The following PLAGL1 variants were observed in gnomAD, a reference collection of about 807,000 sequenced individuals.
PLAGL1 encodes the protein PLAG1 like zinc finger 1, also known as zinc finger protein PLAGL1.
In PLAGL1, 1 loss-of-function variant was observed where a neutral mutation model predicts 4.6. The observed-to-expected ratio is 0.22, with a 90% CI of 0.08 to 1.03. PLAGL1 has a LOEUF of 1.03. PLAGL1 is among the 50% of genes least tolerant of loss of function. The probability of loss-of-function intolerance (pLI) is 0.58; values close to 1 mark genes in which losing one functional copy is unlikely to be tolerated. For missense variants in PLAGL1, 464 were observed against 570.4 expected (o/e 0.81, Z 1.90); for synonymous variants, 240 against 237.8 (o/e 1.01, Z -0.08).
At chr6:143,943,984 C>A (rs1779204268) in intron 7 of PLAGL1, among the ~76,000 whole-genome samples, 1 of 152,148 alleles carries the variant, frequency 6.6e-6, no homozygotes, top group Non-Finnish European at 1.5e-5. Context: ...AACTAAAATG[C>A]AGAGCATTAC....
rs1798744077 is a variant in PLAGL1 at position 144,053,708 on chromosome 6, A to G, written c.-151+10760T>C. ...GGGGATGGCAAATACATGGAAAATG[A>G]TCAGCTGTCTTCCTCATCCTCTAGT... On this transcript the variant is annotated intron_variant, in intron 1 of 3. Transcript: ENST00000437412. This position sits in a 1 kb window ranked among gnomAD's most constrained non-coding sequence, Gnocchi z 4.0. 6.6e-6 allele frequency among the ~76,000 whole-genome samples: 1 copy of G among 152,232 alleles called. No homozygotes were observed.
In PLAGL1 at chr6:143,940,916, G is replaced by A. The variant is rs1440167672; in HGVS notation, c.*508C>T. ...ATATGTAAAACTACAGGTTGGCTAT[G>A]GTAATAGTAACTAAACTACATCCAA... On this transcript the variant is annotated 3_prime_UTR_variant, in exon 8 of 8. Transcript: ENST00000674357. 4 of 152,616 alleles carry A rather than the reference G, an allele frequency of 2.6e-5. No homozygotes were observed. Among genetic ancestry groups the A allele is most frequent in the Admixed American group, 2.6e-4 (4 of 15,280 alleles). The allele number at this position is 152,616 out of a possible 1,614,324, so 9.5% of individuals were successfully genotyped here.
In PLAGL1 at chr6:143,955,528, G is replaced by A. The variant is rs1273424465; in HGVS notation, c.-325+4941C>T. ...GAAGAGGTAGAAATAGGTAGAGAAT[G>A]CCAATAAAATGCTGTGAGGAATGGG... On this transcript the variant is annotated intron_variant, in intron 6 of 7. Coordinates refer to ENST00000674357, the MANE Select transcript of PLAGL1 (RefSeq NM_001317162.2). This position sits in a 1 kb window ranked among gnomAD's most constrained non-coding sequence, Gnocchi z 4.9. 6.6e-6 allele frequency among the ~76,000 whole-genome samples: 1 copy of A among 152,110 alleles called. No homozygotes were observed. Among genetic ancestry groups the A allele is most frequent in the Non-Finnish European group, 1.5e-5 (1 of 68,022 alleles).
Position 143,948,466 on chromosome 6 carries a change from GA to G in PLAGL1, c.-324-7del, listed in dbSNP as rs1209270063. Reference sequence around the variant, plus strand: ...TCCTGGGTCCCCCGGATTGGCTGTGGAGAGAAGAGGAACAGTTTTCTTGCAT... The same window carrying G: ...TCCTGGGTCCCCCGGATTGGCTGTGGGAGAAGAGGAACAGTTTTCTTGCAT... On this transcript the variant is annotated splice_region_variant and splice_polypyrimidine_tract_variant and intron_variant, in intron 6 of 7. Transcript: ENST00000674357. The surrounding 1 kb of genome is among the most constrained non-coding windows in gnomAD (Gnocchi z 6.0). 1 of 239,696 alleles carries G rather than the reference GA, an allele frequency of 4.2e-6. No homozygotes were observed. Among genetic ancestry groups the G allele is most frequent in the Non-Finnish European group, 8.3e-6 (1 of 120,516 alleles). The allele number at this position is 239,696 out of a possible 1,614,324, so 14.8% of individuals were successfully genotyped here.
At chr6:143,967,156 G>C (rs993327817) in intron 3 of PLAGL1, 2 of 152,114 alleles carry the variant, frequency 1.3e-5, no homozygotes, top group Non-Finnish European at 2.9e-5. Context: ...CTTTAGGTAA[G>C]TTGCATAACT....
intron 1 of PLAGL1, among the ~76,000 whole-genome samples, chr6:144,014,764 G>A (rs1369821908): frequency 6.6e-6 from 1 of 152,078 alleles, no homozygotes; most frequent in Non-Finnish European, 1.5e-5. Context: ...ATTTTTAGTA[G>A]AGACAGGGTT....
chr6:144,006,505 C>T lies in PLAGL1; in HGVS notation c.-584+1585G>A, dbSNP rs1241941832. 6.6e-6 allele frequency: 1 copy of T among 152,128 alleles called. No homozygotes were observed. The highest frequency in any genetic ancestry group is 1.5e-5 in the Non-Finnish European group (1 of 68,034). 9.4% of individuals were successfully genotyped at this position (152,128 alleles called of 1,614,324 possible). Reference sequence around the variant, plus strand: ...ACTTTTAATGCCTATACATGCATCCCTAAACAACAGCTTTGCTCCACCAGG... The same window carrying T: ...ACTTTTAATGCCTATACATGCATCCTTAAACAACAGCTTTGCTCCACCAGG... On this transcript the variant is annotated intron_variant, in intron 1 of 7. Coordinates refer to ENST00000674357, the MANE Select transcript of PLAGL1 (RefSeq NM_001317162.2). The surrounding 1 kb of genome is among the most constrained non-coding windows in gnomAD (Gnocchi z 4.3).
chr6:143,974,747 A>G (rs1467594723), intron 2 of PLAGL1, among the ~76,000 whole-genome samples: 1 of 152,230 alleles, frequency 6.6e-6, no homozygotes, highest in Admixed American at 6.5e-5. Context: ...TGAAATAACC[A>G]TTCCTCAAAA....
At chr6:144,014,960 T>C (rs1310405314) in intron 1 of PLAGL1, among the ~76,000 whole-genome samples, 2 of 152,174 alleles carry the variant, frequency 1.3e-5, no homozygotes, top group Admixed American at 6.5e-5. Flanking sequence ...GTTATCTATA[T>C]AGAGAAAAAA....
upstream of PLAGL1, among the ~76,000 whole-genome samples, chr6:144,012,479 C>T (rs563512241): frequency 2.6e-4 from 39 of 152,190 alleles, no homozygotes; most frequent in South Asian, 1.9e-3. This position sits in a 1 kb window ranked among gnomAD's most constrained non-coding sequence, Gnocchi z 4.8. Context: ...TCAGGTGATC[C>T]GCCTGTCTCA....
At chr6:144,035,836 T>C (rs959757201) in intron 1 of PLAGL1, among the ~76,000 whole-genome samples, 1 of 152,162 alleles carries the variant, frequency 6.6e-6, no homozygotes, top group Non-Finnish European at 1.5e-5. Flanking sequence ...ATATGGTTGA[T>C]GAGAAAAATG....
At position 144,063,744 on chromosome 6, in the gene PLAGL1, C is replaced by G. The variant is rs1799614552; in HGVS notation, c.-151+724G>C. Among the ~76,000 whole-genome samples the G allele has an allele frequency of 6.6e-6, 1 of 152,204 alleles. No individual in the cohort carries two copies. The highest frequency in any genetic ancestry group is 2.1e-4 in the South Asian group (1 of 4,830). On this transcript the variant is annotated intron_variant, in intron 1 of 3. Coordinates refer to the PLAGL1 transcript ENST00000437412. This position sits in a 1 kb window ranked among gnomAD's most constrained non-coding sequence, Gnocchi z 5.7. The stretch of plus-strand genomic sequence containing the variant: ...CTCTGTCCTCGACACAGCAGGGGCC[C>G]TACAAACCCAACACGGCTGTGCACC...
At chr6:143,992,521 T>A (rs145817550) in intron 1 of PLAGL1, among the ~76,000 whole-genome samples, 29 of 152,218 alleles carry the variant, frequency 1.9e-4, no homozygotes, top group African/African-American at 7.0e-4. Flanking sequence ...CTAAAATATA[T>A]GACCTTGGTT....
rs966200685 is a variant in PLAGL1 at position 144,053,370 on chromosome 6, G to A, written c.-151+11098C>T. Among the ~76,000 whole-genome samples the A allele has an allele frequency of 1.3e-5, 2 of 152,166 alleles. No individual in the cohort carries two copies. Among genetic ancestry groups the A allele is most frequent in the African/African-American group, 2.4e-5 (1 of 41,432 alleles). ...GGCTGGTCTGAAACTCCTGACCTCA[G>A]GTGATCAGCCACGATGGCCTCCCAA... On this transcript the variant is annotated intron_variant, in intron 1 of 3. Coordinates refer to the PLAGL1 transcript ENST00000437412. The surrounding 1 kb of genome is among the most constrained non-coding windows in gnomAD (Gnocchi z 4.0).
Position 144,039,597 on chromosome 6 carries a change from CAAATA to C in PLAGL1, c.-151+24866_-151+24870del, listed in dbSNP as rs1283439686. Among the ~76,000 whole-genome samples the C allele has an allele frequency of 6.6e-6, 1 of 151,888 alleles. No individual in the cohort carries two copies. Among genetic ancestry groups the C allele is most frequent in the Non-Finnish European group, 1.5e-5 (1 of 67,942 alleles). The stretch of plus-strand genomic sequence containing the variant: ...TGAGACTGTGTCTCAAAAATAAAAT[CAAATA>C]AAATATCACATGCCATTTTACACCC... On this transcript the variant is annotated intron_variant, in intron 1 of 3. Transcript: ENST00000437412. This position sits in a 1 kb window ranked among gnomAD's most constrained non-coding sequence, Gnocchi z 4.1.
intron 1 of PLAGL1, among the ~76,000 whole-genome samples, chr6:144,051,505 A>G (rs973419654): frequency 6.6e-6 from 1 of 152,238 alleles, no homozygotes; most frequent in Non-Finnish European, 1.5e-5. Context: ...TGCCCTTTAA[A>G]CCAATATGTT....
chr6:143,942,763 G>T lies in PLAGL1; in HGVS notation c.153-100C>A. On this transcript the variant is annotated intron_variant, in intron 7 of 7. Coordinates refer to ENST00000674357, the MANE Select transcript of PLAGL1 (RefSeq NM_001317162.2). This position sits in a 1 kb window ranked among gnomAD's most constrained non-coding sequence, Gnocchi z 7.6. ...ATCAAAATGTTAATAGTTTTCTCTG[G>T]GTCTTGGTATAATTTTCAAAATTCT... 2 of 813,164 alleles carry T rather than the reference G, an allele frequency of 2.5e-6. No homozygotes were observed. Among genetic ancestry groups the T allele is most frequent in the Non-Finnish European group, 1.8e-6 (1 of 540,728 alleles). The allele number at this position is 813,164 out of a possible 1,614,324, so 50.4% of individuals were successfully genotyped here.
chr6:143,967,751 T>C (rs1272486305), intron 3 of PLAGL1: 2 of 152,088 alleles, frequency 1.3e-5, no homozygotes, highest in Non-Finnish European at 2.9e-5. Context: ...CTAGTTTTAA[T>C]TAGAATCGTT....
chr6:143,964,133 T>C lies in PLAGL1; in HGVS notation c.-399+654A>G, dbSNP rs536201141. 4.6e-5 allele frequency among the ~76,000 whole-genome samples: 7 copies of C among 151,870 alleles called. No individual in the cohort carries two copies. The South Asian group carries it at 1.5e-3, about 32-fold the overall frequency. The stretch of plus-strand genomic sequence containing the variant: ...AAGGAGGTATGTCAGTCCCCAGCAA[T>C]AGAGGCCCTGGCACCCCTCTGTTCC... On this transcript the variant is annotated intron_variant, in intron 5 of 7. Transcript: ENST00000674357. The surrounding 1 kb of genome is among the most constrained non-coding windows in gnomAD (Gnocchi z 4.3).
Sources: allele counts gnomAD v4.1 joint callset (sites outside exome capture counted in the v4.1 genomes callset), GRCh38; gene constraint gnomAD v4.1.1; non-coding constraint Gnocchi (gnomAD v3.1); transcripts MANE v1.5; gene names NCBI Gene and HGNC (gene_info 2026-07-23, HGNC 2026-07-21).